The following PCDHGA1 variants were observed in gnomAD, a reference collection of about 807,000 sequenced individuals.
PCDHGA1 encodes protocadherin gamma-A1.
In PCDHGA1, 32 loss-of-function variants were observed where a neutral mutation model predicts 58.0. The observed-to-expected ratio is 0.55, with a 90% confidence interval of 0.42 to 0.74. The LOEUF (loss-of-function observed/expected upper bound fraction) is 0.74, where lower values mean the gene tolerates loss of function less well. PCDHGA1 is among the 30% of genes least tolerant of loss of function. The pLI is 0.00. For synonymous variants in PCDHGA1, 498 were observed against 501.1 expected, an observed-to-expected ratio of 0.99 and a Z score of 0.08; for missense variants, 1,205 against 1,182.3, an observed-to-expected ratio of 1.02 and a Z score of -0.28.
At chr5:141,439,934 G>T (rs1477526863) in intron 1 of PCDHGA1, 2 of 152,382 alleles carry the variant, frequency 1.3e-5, no homozygotes, top group Admixed American at 1.3e-4. Context: ...ATCCTGCTGG[G>T]CATTCTCTAT....
In PCDHGA1 at chr5:141,332,220, G is replaced by C; in HGVS notation, c.1536G>C (p.Gly512=). 1 of 1,614,174 alleles carries C rather than the reference G, an allele frequency of 6.2e-7. No homozygotes were observed. Among genetic ancestry groups the C allele is most frequent in the South Asian group, 1.1e-5 (1 of 91,080 alleles). Residue 512 remains glycine, a synonymous_variant, in exon 1 of 4, where the codon GGG becomes GGC. Coordinates refer to ENST00000517417, the MANE Select transcript of PCDHGA1 (RefSeq NM_018912.3). This position sits in a 1 kb window ranked among gnomAD's most constrained non-coding sequence, Gnocchi z 4.6. ...SAYLSINSDT[G]VLYALRSFDY... ...ACCTCTCCATCAACTCCGACACTGG[G>C]GTCCTGTATGCGCTGCGATCCTTCG...
chr5:141,427,956 C>T, intron 1 of PCDHGA1: 1 of 1,587,304 alleles, frequency 6.3e-7, no homozygotes, highest in African/African-American at 1.3e-5. Context: ...TGACAATGTG[C>T]CGCGGGTGCT....
intron 1 of PCDHGA1, chr5:141,388,696 AGG>A (rs1404425662): frequency 1.2e-6 from 2 of 1,613,882 alleles, no homozygotes; most frequent in Non-Finnish European, 1.7e-6. Flanking sequence ...GACCAGGATG[AGG>A]GTGTCAATGC....
intron 1 of PCDHGA1, chr5:141,346,250 CTT>C (rs1757721860): frequency 6.2e-7 from 1 of 1,614,216 alleles, no homozygotes. Context: ...CCGGCTCGCA[CTT>C]TGTGGGCGCG....
chr5:141,376,574 G>A, intron 1 of PCDHGA1: 12 of 1,598,206 alleles, frequency 7.5e-6, no homozygotes, highest in Non-Finnish European at 1.0e-5. Context: ...AATCAGACAG[G>A]CTCATCAGCT....
intron 1 of PCDHGA1, chr5:141,420,307 A>G (rs2096487660): frequency 1.5e-5 from 22 of 1,459,622 alleles, no homozygotes; most frequent in Non-Finnish European, 1.8e-5. Flanking sequence ...AATCCTTTTT[A>G]TATTACAATA....
At chr5:141,461,826 T>G (rs1466528519) in intron 1 of PCDHGA1, among the ~76,000 whole-genome samples, 2 of 151,912 alleles carry the variant, frequency 1.3e-5, no homozygotes, top group Non-Finnish European at 1.5e-5. Flanking sequence ...GCTAATTTTT[T>G]TTTCTTTTTT....
intron 1 of PCDHGA1, chr5:141,408,741 T>C: frequency 6.2e-7 from 1 of 1,610,092 alleles, no homozygotes; most frequent in Non-Finnish European, 8.5e-7. Context: ...TATTTTTCAT[T>C]AATGGTTAGA....
chr5:141,489,260 CACA>C lies in PCDHGA1; in HGVS notation c.2422-5546_2422-5544del, dbSNP rs1242559724. 1 of 1,552,022 alleles carries C rather than the reference CACA, an allele frequency of 6.4e-7. No individual in the cohort carries two copies. Among genetic ancestry groups the C allele is most frequent in the Non-Finnish European group, 8.7e-7 (1 of 1,149,038 alleles). ...TGGGTCATGGGGCCCAAGACACTCCCACAGCTCGCTGGGAAATGGCAAGTGCTG... is the reference window on the plus strand; with the variant it reads ...TGGGTCATGGGGCCCAAGACACTCCCGCTCGCTGGGAAATGGCAAGTGCTG... On this transcript the variant is annotated intron_variant, in intron 1 of 3. Coordinates refer to ENST00000517417, the MANE Select transcript of PCDHGA1 (RefSeq NM_018912.3). The surrounding 1 kb of genome is among the most constrained non-coding windows in gnomAD (Gnocchi z 4.5).
chr5:141,422,117 C>A, intron 1 of PCDHGA1: 1 of 1,604,272 alleles, frequency 6.2e-7, no homozygotes, highest in East Asian at 2.2e-5. Context: ...CAATTGGATT[C>A]ACAAACTGGA....
At chr5:141,337,493 C>G (rs1399284844) in intron 1 of PCDHGA1, among the ~76,000 whole-genome samples, 1 of 152,176 alleles carries the variant, frequency 6.6e-6, no homozygotes, top group East Asian at 1.9e-4. Flanking sequence ...ACTTCAAAGA[C>G]ATGATATCAA....
At chr5:141,407,238 T>C (rs538322072) in intron 1 of PCDHGA1, among the ~76,000 whole-genome samples, 1 of 152,338 alleles carries the variant, frequency 6.6e-6, no homozygotes, top group East Asian at 1.9e-4. Context: ...AAATAAAGCA[T>C]ACTTCAGGCT....
At position 141,485,848 on chromosome 5, in the gene PCDHGA1, C is replaced by G. The variant is rs1416763615; in HGVS notation, c.2422-8959C>G. 1.9e-6 allele frequency: 3 copies of G among 1,614,076 alleles called. No individual in the cohort carries two copies. The highest frequency in any genetic ancestry group is 1.1e-5 in the South Asian group (1 of 91,084). On this transcript the variant is annotated intron_variant, in intron 1 of 3. Coordinates refer to ENST00000517417, the MANE Select transcript of PCDHGA1 (RefSeq NM_018912.3). This position sits in a 1 kb window ranked among gnomAD's most constrained non-coding sequence, Gnocchi z 5.7. The stretch of plus-strand genomic sequence containing the variant: ...GAGGGAACCCGCCGAGATCTGGCAC[C>G]GCAGAGCTCCGGGTATCCGTGCTGG...
At chr5:141,438,366 G>A (rs749623408) in intron 1 of PCDHGA1, among the ~76,000 whole-genome samples, 6 of 151,462 alleles carry the variant, frequency 4.0e-5, no homozygotes, top group Non-Finnish European at 7.4e-5. Context: ...TTGTCATTGA[G>A]GGCAGATATA....
In PCDHGA1 at chr5:141,511,358, G is replaced by GT; in HGVS notation, c.*187dup. 1 of 1,355,398 alleles carries GT rather than the reference G, an allele frequency of 7.4e-7. No homozygotes were observed. Among genetic ancestry groups the GT allele is most frequent in the South Asian group, 1.5e-5 (1 of 66,198 alleles). 84.0% of individuals were successfully genotyped at this position (1,355,398 alleles called of 1,614,324 possible). On this transcript the variant is annotated 3_prime_UTR_variant, in exon 4 of 4. Transcript: ENST00000517417. ...GCACCTACCCCTTCCCCCCCAGGGG[G>GT]TTGAATATGCAAAAGCAGTTCCGCT...
chr5:141,364,645 C>T (rs1036042236), intron 1 of PCDHGA1: 2 of 1,613,960 alleles, frequency 1.2e-6, no homozygotes, highest in African/African-American at 2.7e-5. Context: ...GTGTGGTGAA[C>T]TTTAACATCT....
chr5:141,360,230 A>G (rs1761484495), intron 1 of PCDHGA1: 1 of 1,613,852 alleles, frequency 6.2e-7, no homozygotes, highest in Non-Finnish European at 8.5e-7. Flanking sequence ...CTCCCAGTCC[A>G]GATCCGCTAT....
intron 1 of PCDHGA1, chr5:141,366,664 G>C: frequency 6.2e-7 from 1 of 1,614,236 alleles, no homozygotes; most frequent in Non-Finnish European, 8.5e-7. Context: ...ACGCAGACAC[G>C]CTCCTTAGTG....
chr5:141,374,400 T>A (rs1389485133), intron 1 of PCDHGA1: 2 of 1,613,908 alleles, frequency 1.2e-6, no homozygotes, highest in Non-Finnish European at 1.7e-6. Flanking sequence ...CTGGTGAGTT[T>A]TAACATCCTT....
Sources: gnomAD v4.1 joint callset for allele counts (sites outside exome capture counted in the v4.1 genomes callset) on GRCh38, gnomAD v4.1.1 for gene constraint, Gnocchi (gnomAD v3.1) non-coding constraint, MANE v1.5 for transcripts, NCBI Gene and HGNC (gene_info 2026-07-23, HGNC 2026-07-21) for gene names.